F13A1: variants seen among roughly 807,000 people sequenced by gnomAD.
F13A1 encodes FSF, A subunit.
F13A1 carries 47 observed loss-of-function variants against 80.1 expected under a neutral mutation model. That is an observed-to-expected ratio of 0.59 (90% confidence interval 0.46 to 0.75). The LOEUF (loss-of-function observed/expected upper bound fraction) is 0.75, where lower values mean the gene tolerates loss of function less well. Among genes scored for constraint, F13A1 ranks in the 30% least tolerant of loss-of-function variants. F13A1 has a pLI of 0.00. For missense variants in F13A1, 817 were observed against 930.4 expected (o/e 0.88, Z 1.59); for synonymous variants, 349 against 344.9 (o/e 1.01, Z -0.13).
chr6:6,257,380 A>C (rs900607247), intron 4 of F13A1, among the ~76,000 whole-genome samples: 1 of 152,058 alleles, frequency 6.6e-6, no homozygotes, highest in African/African-American at 2.4e-5. Context: ...ATCCAAACGC[A>C]CTGCCTTCCT....
intron 8 of F13A1, among the ~76,000 whole-genome samples, chr6:6,217,626 T>C (rs914455916): frequency 6.6e-6 from 1 of 151,916 alleles, no homozygotes; most frequent in Non-Finnish European, 1.5e-5. Flanking sequence ...CATGTATACA[T>C]ATGTTACTAA....
intron 3 of F13A1, among the ~76,000 whole-genome samples, chr6:6,287,522 G>A (rs551536103): frequency 6.6e-6 from 1 of 152,232 alleles, no homozygotes; most frequent in African/African-American, 2.4e-5. Flanking sequence ...AGTCAGGGAG[G>A]AAGCGTTTGT....
intron 3 of F13A1, among the ~76,000 whole-genome samples, chr6:6,297,793 T>C (rs9986545): frequency 0.034 from 5,094 of 149,616 alleles, 250 homozygotes; most frequent in African/African-American, 0.11. Context: ...CTGCTAGCTT[T>C]TGAATGTGTT....
At chr6:6,167,728 A>C in intron 12 of F13A1, 110 bp from the exon 13 acceptor site, 1 of 1,241,708 alleles carries the variant, frequency 8.1e-7, no homozygotes, top group Non-Finnish European at 1.1e-6. Flanking sequence ...AGCCACCAGG[A>C]ACACAGCAAA....
At chr6:6,183,844 A>G (rs945694458) in intron 10 of F13A1, among the ~76,000 whole-genome samples, 8 of 152,232 alleles carry the variant, frequency 5.3e-5, no homozygotes, top group Non-Finnish European at 1.2e-4. Flanking sequence ...TCCTGATTCT[A>G]TAAAATAAAA....
chr6:6,209,821 T>C (rs1670704755), intron 8 of F13A1, among the ~76,000 whole-genome samples: 1 of 152,158 alleles, frequency 6.6e-6, no homozygotes, highest in Non-Finnish European at 1.5e-5. Flanking sequence ...AGAAAGTAGA[T>C]TCGAGGTTGC....
chr6:6,220,811 T>C (rs1456238203), intron 8 of F13A1, among the ~76,000 whole-genome samples: 1 of 152,190 alleles, frequency 6.6e-6, no homozygotes, highest in Non-Finnish European at 1.5e-5. Flanking sequence ...CAGCTTACTA[T>C]GGCTCAGCTC....
At chr6:6,165,722 T>C (rs879864494) in intron 13 of F13A1, among the ~76,000 whole-genome samples, 11 of 152,258 alleles carry the variant, frequency 7.2e-5, no homozygotes, top group Admixed American at 5.9e-4. Flanking sequence ...TAGGGCATCC[T>C]GCACCTTAAG....
chr6:6,237,120 T>C (rs867956357), intron 6 of F13A1, among the ~76,000 whole-genome samples: 6 of 152,290 alleles, frequency 3.9e-5, no homozygotes, highest in Middle Eastern at 6.8e-3. Flanking sequence ...TTTTTCTCTT[T>C]TATGTATTTG....
Position 6,313,280 on chromosome 6 carries a change from C to CTTTTTTTTTTTTTTTTTT in F13A1, c.130+5237_130+5254dup, listed in dbSNP as rs5874027. Reference sequence around the variant, plus strand: ...ATGGAACAGCTCATTGCTAAGCCGCCTTTTTTTTTTTTTTTTTTTTAAATA... The same window carrying CTTTTTTTTTTTTTTTTTT: ...ATGGAACAGCTCATTGCTAAGCCGCCTTTTTTTTTTTTTTTTTTTTTTTTTTTTTTTTTTTTTTAAATA... On this transcript the variant is annotated intron_variant, in intron 2 of 14. Transcript: ENST00000264870. 9.5e-4 allele frequency among the ~76,000 whole-genome samples: 121 copies of CTTTTTTTTTTTTTTTTTT among 126,718 alleles called. 2 individuals are homozygous for CTTTTTTTTTTTTTTTTTT. Among genetic ancestry groups the CTTTTTTTTTTTTTTTTTT allele is most frequent in the African/African-American group, 3.5e-3 (116 of 32,926 alleles). 83.1% of individuals were successfully genotyped at this position (126,718 alleles called of 152,430 possible).
chr6:6,240,018 G>A (rs922351812), intron 6 of F13A1, among the ~76,000 whole-genome samples: 1 of 152,226 alleles, frequency 6.6e-6, no homozygotes, highest in Non-Finnish European at 1.5e-5. Context: ...TGGGGATGCT[G>A]GCCCCAGGAG....
chr6:6,237,812 G>A (rs1757432419), intron 6 of F13A1, among the ~76,000 whole-genome samples: 1 of 152,184 alleles, frequency 6.6e-6, no homozygotes, highest in Admixed American at 6.5e-5. Context: ...CCCAGGGCTA[G>A]CACAGAGTGG....
At chr6:6,170,169 CT>C (rs1358744676) in intron 12 of F13A1, among the ~76,000 whole-genome samples, 1 of 152,184 alleles carries the variant, frequency 6.6e-6, no homozygotes, top group African/African-American at 2.4e-5. Flanking sequence ...AAGAAGATGC[CT>C]TTTGCCTCTA....
rs539180331 is a variant in F13A1, at chr6:6,220,567, C to G, written c.1112+1466G>C. Among the ~76,000 whole-genome samples, 643 of 149,762 alleles carry G rather than the reference C, an allele frequency of 4.3e-3. 3 individuals are homozygous for G. Among genetic ancestry groups the G allele is most frequent in the African/African-American group, 0.013 (528 of 40,778 alleles). On this transcript the variant is annotated intron_variant, in intron 8 of 14. Coordinates refer to ENST00000264870, the MANE Select transcript of F13A1 (RefSeq NM_000129.4). ...TGTGTGTGTGTGTCTGTGTGTCTGT[C>G]TGTGTGTGTGTGTGTGTGTCTGTGT...
intron 8 of F13A1, among the ~76,000 whole-genome samples, chr6:6,206,039 C>G (rs776277540): frequency 2.6e-5 from 4 of 152,062 alleles, no homozygotes; most frequent in Non-Finnish European, 5.9e-5. Context: ...ATTTTGAGAG[C>G]ATTTGTTTGT....
chr6:6,293,289 G>T (rs1416633572), intron 3 of F13A1, among the ~76,000 whole-genome samples: 1 of 151,916 alleles, frequency 6.6e-6, no homozygotes, highest in African/African-American at 2.4e-5. Context: ...CCCTCAACTG[G>T]GTATCAAAAA....
chr6:6,146,238 A>G (rs139391866), intron 14 of F13A1, among the ~76,000 whole-genome samples: 2 of 152,030 alleles, frequency 1.3e-5, no homozygotes, highest in South Asian at 4.2e-4. Flanking sequence ...GCTTTTGCCA[A>G]CTCCCTTGGG....
Position 6,280,358 on chromosome 6 carries a change from C to T in F13A1, c.320-13549G>A, listed in dbSNP as rs115807349. Among the ~76,000 whole-genome samples the T allele has an allele frequency of 8.6e-3, 1,305 of 152,096 alleles. 29 individuals are homozygous for T. Among genetic ancestry groups the T allele is most frequent in the African/African-American group, 0.03 (1,230 of 41,464 alleles). Reference sequence around the variant, plus strand: ...GAATAACAGAGCAAGAGTAGTAGACCGTGGGGGAAGTCAACGACTTTATTA... The same window carrying T: ...GAATAACAGAGCAAGAGTAGTAGACTGTGGGGGAAGTCAACGACTTTATTA... On this transcript the variant is annotated intron_variant, in intron 3 of 14. Transcript: ENST00000264870.
At chr6:6,198,996 C>T (rs377096518) in intron 8 of F13A1, among the ~76,000 whole-genome samples, 6 of 152,234 alleles carry the variant, frequency 3.9e-5, no homozygotes, top group African/African-American at 1.2e-4. Flanking sequence ...ATGAAATAGC[C>T]ATCATGGTTT....
Sources: gnomAD v4.1 joint callset for allele counts (sites outside exome capture counted in the v4.1 genomes callset) on GRCh38, gnomAD v4.1.1 for gene constraint, MANE v1.5 for transcripts, NCBI Gene and HGNC (gene_info 2026-07-23, HGNC 2026-07-21) for gene names.